Variants in LRRTM4 observed in about 807,000 individuals in gnomAD.
LRRTM4 encodes the protein leucine rich repeat transmembrane neuronal 4, also known as leucine-rich repeat transmembrane neuronal protein 4.
Under a neutral mutation model 47.6 loss-of-function variants are expected in LRRTM4, and 25 were observed. The observed-to-expected ratio is 0.53, with a 90% confidence interval of 0.38 to 0.73. The LOEUF (loss-of-function observed/expected upper bound fraction) is 0.73. Ranked by LOEUF, LRRTM4 falls within the 30% of genes least tolerant of loss-of-function variation. The probability of loss-of-function intolerance (pLI) is 0.00; values close to 1 mark genes in which losing one functional copy is unlikely to be tolerated. For synonymous variants in LRRTM4, 311 were observed against 269.5 expected (o/e 1.15, Z -1.51); for missense variants, 638 against 713.4 (o/e 0.89, Z 1.20).
At chr2:77,221,845 A>T (rs1423064976) in intron 3 of LRRTM4, among the ~76,000 whole-genome samples, 2 of 152,124 alleles carry the variant, frequency 1.3e-5, no homozygotes, top group Admixed American at 6.5e-5. Flanking sequence ...TCAGCTCTGC[A>T]CCAAGCAGAC....
At chr2:76,865,766 T>G (rs1284291536) in intron 3 of LRRTM4, among the ~76,000 whole-genome samples, 1 of 152,154 alleles carries the variant, frequency 6.6e-6, no homozygotes, top group Non-Finnish European at 1.5e-5. Context: ...GGACTACACA[T>G]TTAAATAAGA....
chr2:77,050,115 G>A (rs1312644830), intron 3 of LRRTM4, among the ~76,000 whole-genome samples: 1 of 135,110 alleles, frequency 7.4e-6, no homozygotes, highest in African/African-American at 2.8e-5. Flanking sequence ...GATGTGTTTT[G>A]TTAGAACCAA....
At chr2:77,152,060 T>C (rs1339524901) in intron 3 of LRRTM4, among the ~76,000 whole-genome samples, 1 of 151,938 alleles carries the variant, frequency 6.6e-6, no homozygotes, top group African/African-American at 2.4e-5. Flanking sequence ...GTAGCTCAGG[T>C]TTCTCTGATT....
intron 3 of LRRTM4, among the ~76,000 whole-genome samples, chr2:76,940,003 G>C (rs190929173): frequency 2.2e-4 from 33 of 152,122 alleles, no homozygotes; most frequent in African/African-American, 8.0e-4. Flanking sequence ...ATGCTGAAGA[G>C]GTTGTAGAGA....
chr2:76,997,779 A>C (rs1013565872), intron 3 of LRRTM4, among the ~76,000 whole-genome samples: 3 of 152,130 alleles, frequency 2.0e-5, no homozygotes, highest in Non-Finnish European at 4.4e-5. Flanking sequence ...CCGGCCAGCA[A>C]GTGAAGCTTC....
chr2:76,814,613 T>C lies in LRRTM4; in HGVS notation c.1552-65697A>G, dbSNP rs1670845564. On this transcript the variant is annotated intron_variant, in intron 3 of 3. Transcript: ENST00000409884. ...ATGTTGTATTAGGTATTATAAGTAATTGGAGATTATTTGAAGTTTATGAGA... is the reference window on the plus strand; with the variant it reads ...ATGTTGTATTAGGTATTATAAGTAACTGGAGATTATTTGAAGTTTATGAGA... 2.0e-5 allele frequency among the ~76,000 whole-genome samples: 3 copies of C among 152,002 alleles called. No homozygotes were observed. The South Asian group carries it at 6.2e-4, about 32-fold the overall frequency.
chr2:77,298,297 C>T (rs1399936479), intron 3 of LRRTM4, among the ~76,000 whole-genome samples: 2 of 152,192 alleles, frequency 1.3e-5, no homozygotes, highest in African/African-American at 4.8e-5. Context: ...AGTGCAGTGG[C>T]ACGATCTCGG....
chr2:77,174,037 A>T (rs1673125919), intron 3 of LRRTM4, among the ~76,000 whole-genome samples: 1 of 152,106 alleles, frequency 6.6e-6, no homozygotes, highest in Non-Finnish European at 1.5e-5. Flanking sequence ...AGCTTAAAAA[A>T]GCAGGAGTTG....
chr2:77,378,277 G>A (rs568159206), intron 3 of LRRTM4, among the ~76,000 whole-genome samples: 59 of 151,846 alleles, frequency 3.9e-4, no homozygotes, highest in South Asian at 4.2e-4. Context: ...TTATTAACCT[G>A]CTTTTATCAA....
At chr2:77,258,225 T>C (rs1226013996) in intron 3 of LRRTM4, among the ~76,000 whole-genome samples, 1 of 151,948 alleles carries the variant, frequency 6.6e-6, no homozygotes. Flanking sequence ...GAAGAAAATG[T>C]CCCTTTTACT....
At chr2:77,029,304 G>A (rs1678569360) in intron 3 of LRRTM4, among the ~76,000 whole-genome samples, 1 of 151,920 alleles carries the variant, frequency 6.6e-6, no homozygotes, top group Admixed American at 6.6e-5. Context: ...CCGTCTGCAA[G>A]CTGTGGAGCA....
At chr2:76,757,405 G>A (rs2104071256) in intron 3 of LRRTM4, among the ~76,000 whole-genome samples, 1 of 152,164 alleles carries the variant, frequency 6.6e-6, no homozygotes, top group South Asian at 2.1e-4. Flanking sequence ...TTGTCTATGA[G>A]GTGCCCAGAG....
At chr2:77,075,914 C>CAAAAAAAAAAAAAAAAAAA (rs61718845) in intron 3 of LRRTM4, among the ~76,000 whole-genome samples, 6 of 36,856 alleles carry the variant, frequency 1.6e-4, no homozygotes, top group East Asian at 1.1e-3. Context: ...GACTCCGTCT[C>CAAAAAAAAAAAAAAAAAAA]AAAAAAAAAA....
At chr2:77,167,426 A>G (rs950457437) in intron 3 of LRRTM4, among the ~76,000 whole-genome samples, 1 of 152,200 alleles carries the variant, frequency 6.6e-6, no homozygotes, top group African/African-American at 2.4e-5. Context: ...TATAAATGCC[A>G]TTTGACCCAG....
chr2:77,517,983 C>A lies in LRRTM4; in HGVS notation c.1551+335G>T, dbSNP rs961694058. On this transcript the variant is annotated intron_variant, in intron 3 of 3. Coordinates refer to ENST00000409884, the MANE Select transcript of LRRTM4 (RefSeq NM_001134745.3). ...CAACAGTCAAACACCAAGAACCAGA[C>A]AGAAATTTCAGAATGAAAAGAGTTT... 12 of 1,035,602 alleles carry A rather than the reference C, an allele frequency of 1.2e-5. 1 individual carries two copies. The East Asian group carries it at 4.8e-4, about 42-fold the overall frequency. The allele number at this position is 1,035,602 out of a possible 1,614,324, so 64.2% of individuals were successfully genotyped here. A position where few individuals can be genotyped will look rare whatever the true frequency, so the allele number is the denominator to read the frequency against.
At chr2:77,093,168 CTT>C (rs1190860101) in intron 3 of LRRTM4, among the ~76,000 whole-genome samples, 2 of 148,454 alleles carry the variant, frequency 1.3e-5, no homozygotes, top group East Asian at 2.0e-4. Flanking sequence ...ATGCCCTGCT[CTT>C]GTTTACACTG....
At chr2:77,234,423 T>G (rs2103976609) in intron 3 of LRRTM4, among the ~76,000 whole-genome samples, 1 of 152,336 alleles carries the variant, frequency 6.6e-6, no homozygotes, top group African/African-American at 2.4e-5. Flanking sequence ...AGTTTGGATG[T>G]GGCCTATGGT....
intron 3 of LRRTM4, among the ~76,000 whole-genome samples, chr2:77,075,914 C>CAAA (rs61718845): frequency 0.04 from 1,483 of 36,782 alleles, 225 homozygotes; most frequent in South Asian, 0.06. Context: ...GACTCCGTCT[C>CAAA]AAAAAAAAAA....
chr2:77,069,053 T>C (rs906974068), intron 3 of LRRTM4, among the ~76,000 whole-genome samples: 36 of 152,292 alleles, frequency 2.4e-4, no homozygotes, highest in African/African-American at 8.4e-4. Context: ...TAGTTTGATA[T>C]CTATAGAAAC....
Sources: gnomAD v4.1 joint callset for allele counts (sites outside exome capture counted in the v4.1 genomes callset) on GRCh38, gnomAD v4.1.1 for gene constraint, MANE v1.5 for transcripts, NCBI Gene and HGNC (gene_info 2026-07-23, HGNC 2026-07-21) for gene names.